Variants in PTPRD observed in about 807,000 individuals in gnomAD.
PTPRD encodes the protein receptor-type tyrosine-protein phosphatase delta.
PTPRD carries 34 observed loss-of-function variants against 214.5 expected under a neutral mutation model. The observed-to-expected ratio is 0.16, with a 90% CI of 0.12 to 0.21. The LOEUF is 0.21. Among genes scored for constraint, PTPRD ranks in the 10% least tolerant of loss-of-function variants. The pLI is 1.00. For missense variants in PTPRD, 2,545 were observed against 2,398.7 expected (o/e 1.06, Z -1.27); for synonymous variants, 1,128 against 845.7 (o/e 1.33, Z -5.79).
At chr9:8,786,663 C>T (rs112893842) in intron 11 of PTPRD, among the ~76,000 whole-genome samples, 19,443 of 151,398 alleles carry the variant, frequency 0.13, 1,364 homozygotes, top group East Asian at 0.27. Context: ...GATCCACCCG[C>T]CTCGGCATCC....
intron 2 of PTPRD, among the ~76,000 whole-genome samples, chr9:10,403,262 A>ATATATATATATATATATATAT (rs1485984454): frequency 7.2e-6 from 1 of 138,766 alleles, no homozygotes; most frequent in Non-Finnish European, 1.6e-5. Context: ...ATATATATGA[A>ATATATATATATATATATATAT]AAATGTAGTG....
intron 13 of PTPRD, among the ~76,000 whole-genome samples, chr9:8,634,187 A>G (rs912686814): frequency 1.3e-4 from 19 of 151,904 alleles, no homozygotes; most frequent in Admixed American, 5.9e-4. Context: ...TCTTGGAAAC[A>G]GTTTAGTGAC....
chr9:10,015,966 C>T (rs1447699929), intron 4 of PTPRD, among the ~76,000 whole-genome samples: 10 of 152,152 alleles, frequency 6.6e-5, no homozygotes, highest in Admixed American at 6.5e-4. Flanking sequence ...ACTGACACCA[C>T]ACTCTGTCTA....
intron 2 of PTPRD, among the ~76,000 whole-genome samples, chr9:10,577,762 G>A (rs944114885): frequency 1.3e-5 from 2 of 151,994 alleles, no homozygotes; most frequent in Admixed American, 1.3e-4. Flanking sequence ...ATTAAAACAA[G>A]CAAACTTACA....
intron 11 of PTPRD, among the ~76,000 whole-genome samples, chr9:8,873,219 T>C (rs1468396324): frequency 2.0e-5 from 3 of 152,176 alleles, no homozygotes; most frequent in African/African-American, 7.2e-5. Context: ...AGTCAATAAA[T>C]ATTGAATGAA....
intron 5 of PTPRD, among the ~76,000 whole-genome samples, chr9:9,783,278 C>T (rs1035603483): frequency 6.6e-6 from 1 of 152,052 alleles, no homozygotes; most frequent in Admixed American, 6.6e-5. Context: ...TTAAAGTGAG[C>T]GTATTATACA....
intron 11 of PTPRD, among the ~76,000 whole-genome samples, chr9:8,748,773 T>G (rs566013953): frequency 3.3e-5 from 5 of 151,984 alleles, no homozygotes; most frequent in African/African-American, 7.3e-5. Flanking sequence ...TAGCCAGGCA[T>G]GGTGGCGCAT....
intron 3 of PTPRD, among the ~76,000 whole-genome samples, chr9:10,079,722 G>C (rs781483397): frequency 1.3e-5 from 2 of 152,088 alleles, no homozygotes; most frequent in Non-Finnish European, 2.9e-5. Context: ...GTCATTCTGC[G>C]AGTTGGCTTT....
intron 7 of PTPRD, among the ~76,000 whole-genome samples, chr9:9,726,810 A>G (rs1352803831): frequency 1.3e-5 from 2 of 152,204 alleles, no homozygotes; most frequent in African/African-American, 4.8e-5. Context: ...CTTATTACAA[A>G]TAAGGGAGGA....
chr9:10,264,268 G>A (rs979758272), intron 3 of PTPRD, among the ~76,000 whole-genome samples: 1 of 152,116 alleles, frequency 6.6e-6, no homozygotes, highest in African/African-American at 2.4e-5. Context: ...CCAGACCCCA[G>A]AATTGTAGAT....
intron 10 of PTPRD, among the ~76,000 whole-genome samples, chr9:9,060,709 A>G (rs1468462527): frequency 1.3e-5 from 2 of 152,150 alleles, no homozygotes; most frequent in Admixed American, 6.5e-5. Context: ...TTAATCAGAG[A>G]GACTGTTTCT....
chr9:9,730,838 G>C (rs1004787749), intron 7 of PTPRD, among the ~76,000 whole-genome samples: 12 of 152,118 alleles, frequency 7.9e-5, no homozygotes, highest in African/African-American at 2.7e-4. Context: ...CATGAAATGA[G>C]AATACACAGA....
intron 11 of PTPRD, among the ~76,000 whole-genome samples, chr9:9,016,666 A>G (rs1262548386): frequency 6.6e-6 from 1 of 152,080 alleles, no homozygotes; most frequent in Non-Finnish European, 1.5e-5. Flanking sequence ...CCCCTAAATG[A>G]CTTAAAAAAT....
At chr9:8,480,375 G>A (rs2096855352) in intron 30 of PTPRD, among the ~76,000 whole-genome samples, 1 of 152,110 alleles carries the variant, frequency 6.6e-6, no homozygotes, top group Admixed American at 6.5e-5. Context: ...GAACTAATAA[G>A]CCGGAGTTAG....
chr9:9,176,708 T>C (rs965216917), intron 10 of PTPRD, among the ~76,000 whole-genome samples: 3 of 152,102 alleles, frequency 2.0e-5, no homozygotes, highest in Non-Finnish European at 2.9e-5. Flanking sequence ...ATAAGTTCTG[T>C]CCCCATTTAC....
chr9:8,960,406 A>G (rs1046196858), intron 11 of PTPRD, among the ~76,000 whole-genome samples: 13 of 152,124 alleles, frequency 8.5e-5, no homozygotes, highest in African/African-American at 2.4e-4. Flanking sequence ...AAGTGGTCCC[A>G]GTAACAGGGA....
At chr9:9,058,535 G>C (rs1214029643) in intron 10 of PTPRD, among the ~76,000 whole-genome samples, 4 of 126,996 alleles carry the variant, frequency 3.1e-5, no homozygotes, top group South Asian at 5.5e-4. Context: ...TGCAGCCTCC[G>C]CCCCCTGGGG....
intron 2 of PTPRD, among the ~76,000 whole-genome samples, chr9:10,544,774 G>GAGTA (rs1410011840): frequency 2.0e-5 from 3 of 152,158 alleles, no homozygotes; most frequent in African/African-American, 7.2e-5. Context: ...CCAAAGTCTT[G>GAGTA]AGTATATTTC....
At chr9:10,503,068 T>C (rs530938620) in intron 2 of PTPRD, among the ~76,000 whole-genome samples, 1 of 151,948 alleles carries the variant, frequency 6.6e-6, no homozygotes, top group Admixed American at 6.6e-5. Context: ...TTTTGAACTA[T>C]GGTTACCACA....
Sources: gnomAD v4.1 joint callset for allele counts (sites outside exome capture counted in the v4.1 genomes callset) on GRCh38, gnomAD v4.1.1 for gene constraint, MANE v1.5 for transcripts, NCBI Gene and HGNC (gene_info 2026-07-23, HGNC 2026-07-21) for gene names.